Variants in SETD3 observed in about 807,000 individuals in gnomAD.
SETD3 encodes the protein actin-histidine N-methyltransferase.
SETD3 carries 19 observed loss-of-function variants against 63.0 expected under a neutral mutation model. That is an observed-to-expected ratio of 0.30 (90% confidence interval 0.21 to 0.44). SETD3 has a LOEUF of 0.44. SETD3 is among the 20% of genes least tolerant of loss of function. The pLI is 1.00. For synonymous variants in SETD3, 286 were observed against 264.1 expected (o/e 1.08, Z -0.80); for missense variants, 587 against 728.5 (o/e 0.81, Z 2.24).
intron 6 of SETD3, among the ~76,000 whole-genome samples, chr14:99,454,772 T>C (rs1292630756): frequency 6.6e-6 from 1 of 151,906 alleles, no homozygotes; most frequent in Non-Finnish European, 1.5e-5. Context: ...TTCTAAGTGG[T>C]GCTGCAGTGA....
intron 11 of SETD3, among the ~76,000 whole-genome samples, chr14:99,402,794 C>T (rs1424161867): frequency 6.6e-6 from 1 of 152,198 alleles, no homozygotes; most frequent in Non-Finnish European, 1.5e-5. Flanking sequence ...GGAGCACTTC[C>T]CAATCAAGGC....
chr14:99,415,115 A>T (rs1892221535), intron 6 of SETD3, among the ~76,000 whole-genome samples: 1 of 152,250 alleles, frequency 6.6e-6, no homozygotes, highest in Non-Finnish European at 1.5e-5. Context: ...AGTTTTGCTA[A>T]AGTTCCTTCA....
At chr14:99,476,363 A>C (rs944355861) in intron 1 of SETD3, among the ~76,000 whole-genome samples, 1 of 152,232 alleles carries the variant, frequency 6.6e-6, no homozygotes, top group Non-Finnish European at 1.5e-5. Context: ...ACGCATGTAA[A>C]GGTTTTATTT....
intron 6 of SETD3, among the ~76,000 whole-genome samples, chr14:99,431,182 A>T (rs900958202): frequency 6.6e-6 from 1 of 152,216 alleles, no homozygotes; most frequent in Admixed American, 6.5e-5. Flanking sequence ...ATTTTGTTAA[A>T]TAGGTATTTC....
upstream of SETD3, chr14:99,481,197 AG>A (rs1896298400): frequency 2.6e-6 from 1 of 389,820 alleles, no homozygotes; most frequent in East Asian, 3.6e-5. Flanking sequence ...TTTCGCCCCG[AG>A]GGGCGGGACC....
At chr14:99,408,619 C>T (rs1276417613) in intron 8 of SETD3, among the ~76,000 whole-genome samples, 1 of 152,148 alleles carries the variant, frequency 6.6e-6, no homozygotes, top group East Asian at 1.9e-4. Context: ...ACAGATATTT[C>T]CCACTCTCAG....
intron 2 of SETD3, among the ~76,000 whole-genome samples, chr14:99,463,789 C>T (rs1225556990): frequency 6.6e-6 from 1 of 152,168 alleles, no homozygotes; most frequent in Non-Finnish European, 1.5e-5. Context: ...ATCATAAAAA[C>T]ATCCCCCACT....
chr14:99,408,027 T>A (rs1366592634), intron 8 of SETD3, among the ~76,000 whole-genome samples: 1 of 152,204 alleles, frequency 6.6e-6, no homozygotes, highest in Non-Finnish European at 1.5e-5. Context: ...GGTCACTGAT[T>A]ACTTTTTGAC....
At chr14:99,401,594 T>C (rs998812458) in intron 11 of SETD3, among the ~76,000 whole-genome samples, 1 of 152,252 alleles carries the variant, frequency 6.6e-6, no homozygotes, top group Non-Finnish European at 1.5e-5. Flanking sequence ...CAAGCAGTTT[T>C]AAGAAAACAA....
rs201211501 is a variant in SETD3 at position 99,421,028 on chromosome 14, C to CGTTTCTTT, written c.676-7102_676-7095dup. 1.0e-2 allele frequency among the ~76,000 whole-genome samples: 1,066 copies of CGTTTCTTT among 107,102 alleles called. 31 individuals are homozygous for CGTTTCTTT. The highest frequency in any genetic ancestry group is 0.038 in the African/African-American group (1,013 of 26,950). The allele number at this position is 107,102 out of a possible 152,430, so 70.3% of individuals were successfully genotyped here. ...TCTTCTTTAAAGACAGTAAATCTTTCGTTTCTTTGCCTTTTGACACTACCT... is the reference window on the plus strand; with the variant it reads ...TCTTCTTTAAAGACAGTAAATCTTTCGTTTCTTTGTTTCTTTGCCTTTTGACACTACCT... On this transcript the variant is annotated intron_variant, in intron 6 of 12. Coordinates refer to ENST00000331768, the MANE Select transcript of SETD3 (RefSeq NM_032233.3).
chr14:99,449,546 CA>C (rs1473522391), intron 6 of SETD3, among the ~76,000 whole-genome samples: 4 of 152,316 alleles, frequency 2.6e-5, no homozygotes, highest in African/African-American at 7.2e-5. Flanking sequence ...AGTAACCGGT[CA>C]GGCCAGCAGT....
chr14:99,472,096 G>A (rs902057507), intron 1 of SETD3, among the ~76,000 whole-genome samples: 3 of 152,210 alleles, frequency 2.0e-5, no homozygotes, highest in Non-Finnish European at 4.4e-5. Context: ...GCTGCACAAC[G>A]TCTCTCTGCC....
chr14:99,412,943 G>T lies in SETD3; in HGVS notation c.849+8C>A. 1 of 1,581,170 alleles carries T rather than the reference G, an allele frequency of 6.3e-7. No individual in the cohort carries two copies. The highest frequency in any genetic ancestry group is 8.7e-7 in the Non-Finnish European group (1 of 1,150,060). The stretch of plus-strand genomic sequence containing the variant: ...GATTCAACACAACACAGGGGAAGAG[G>T]TCGTTACCAGGCCGTTGGTGTGGTT... On this transcript the variant is annotated splice_region_variant and intron_variant, in intron 8 of 12. Transcript: ENST00000331768.
At chr14:99,458,774 C>CA (rs5810953) in intron 5 of SETD3, among the ~76,000 whole-genome samples, 39,249 of 89,322 alleles carry the variant, frequency 0.44, 7,266 homozygotes, top group East Asian at 0.53. Context: ...CCCATCACTA[C>CA]AAAAAAAAAA....
chr14:99,398,693 C>A lies in SETD3; in HGVS notation c.1771G>T (p.Gly591Ter). The part of the protein sequence containing the change: ...AKGSSSDSTA[G>*]VKE ...TTCACCTCGAGCTACTCCTTAACTC[C>A]AGCAGTGCTGTCTGAAGAAGATCCT... Residue 591 changes from glycine (G) to a stop codon, truncating the protein, a stop_gained, in exon 13 of 13, where the codon GGA becomes TGA. Transcript: ENST00000331768. LOFTEE classifies it high-confidence loss of function. 1 of 1,613,926 alleles carries A rather than the reference C, an allele frequency of 6.2e-7. No homozygotes were observed. The highest frequency in any genetic ancestry group is 8.5e-7 in the Non-Finnish European group (1 of 1,179,892).
chr14:99,452,618 T>C (rs1433801620), intron 6 of SETD3, among the ~76,000 whole-genome samples: 1 of 152,168 alleles, frequency 6.6e-6, no homozygotes, highest in Admixed American at 6.5e-5. Flanking sequence ...AAGAGATGTA[T>C]AAATACCAGA....
chr14:99,410,248 G>C (rs778510148), intron 8 of SETD3: 1 of 1,613,444 alleles, frequency 6.2e-7, no homozygotes, highest in East Asian at 2.2e-5. Flanking sequence ...AGGTGAGTCA[G>C]ACCTGTGTGC....
At chr14:99,468,022 T>C (rs1449990882) in intron 1 of SETD3, among the ~76,000 whole-genome samples, 1 of 152,134 alleles carries the variant, frequency 6.6e-6, no homozygotes, top group Non-Finnish European at 1.5e-5. Context: ...GTAGATACCA[T>C]CCTCATCTTT....
chr14:99,421,606 A>C (rs116332438), intron 6 of SETD3, among the ~76,000 whole-genome samples: 2,419 of 152,260 alleles, frequency 0.016, 60 homozygotes, highest in African/African-American at 0.055. Flanking sequence ...CATGAGAAAC[A>C]GTGGGAGAGG....
Sources: allele counts gnomAD v4.1 joint callset (sites outside exome capture counted in the v4.1 genomes callset), GRCh38; gene constraint gnomAD v4.1.1; transcripts MANE v1.5; gene names NCBI Gene and HGNC (gene_info 2026-07-23, HGNC 2026-07-21).